Variants in NRXN3 observed in about 807,000 individuals in gnomAD.
NRXN3 encodes the protein neurexin III.
In NRXN3, 32 loss-of-function variants were observed where a neutral mutation model predicts 137.6. That is an observed-to-expected ratio of 0.23 (90% CI 0.18 to 0.31). The LOEUF is 0.31. Among genes scored for constraint, NRXN3 ranks in the 10% least tolerant of loss-of-function variants. NRXN3 has a pLI of 1.00. For missense variants in NRXN3, 1,574 were observed against 2,062.5 expected, an observed-to-expected ratio of 0.76 and a Z score of 4.59; for synonymous variants, 798 against 784.5, an observed-to-expected ratio of 1.02 and a Z score of -0.29.
At chr14:78,300,688 A>C in intron 4 of NRXN3, 6 of 1,529,560 alleles carry the variant, frequency 3.9e-6, no homozygotes, top group Non-Finnish European at 5.3e-6. Flanking sequence ...AGGTAGAAGT[A>C]AAGGTAGAGC....
At chr14:78,899,049 C>T (rs1383890222) in intron 10 of NRXN3, among the ~76,000 whole-genome samples, 1 of 151,918 alleles carries the variant, frequency 6.6e-6, no homozygotes, top group East Asian at 1.9e-4. Flanking sequence ...AATTTCTCAG[C>T]TCTGAGCCAG....
At chr14:79,022,122 G>A (rs1023792486) in intron 15 of NRXN3, among the ~76,000 whole-genome samples, 6 of 152,076 alleles carry the variant, frequency 3.9e-5, no homozygotes, top group East Asian at 3.9e-4. Context: ...AGTTAACTTC[G>A]GAAATATTGT....
At chr14:78,926,900 AATATATATAATAT>A (rs2099303363) in intron 10 of NRXN3, among the ~76,000 whole-genome samples, 1 of 24,166 alleles carries the variant, frequency 4.1e-5, no homozygotes, top group African/African-American at 4.3e-4. Flanking sequence ...ATATATATAT[AATATATATAATAT>A]ATATATAATA....
At chr14:79,338,196 G>GGTGTGT (rs796540610) in intron 15 of NRXN3, among the ~76,000 whole-genome samples, 2 of 141,062 alleles carry the variant, frequency 1.4e-5, no homozygotes, top group Non-Finnish European at 3.0e-5. Context: ...AGGCAGCCGG[G>GGTGTGT]GTGTGTGTGT....
chr14:78,957,339 C>A lies in NRXN3; in HGVS notation c.2373C>A (p.Thr791=). 1 of 1,613,902 alleles carries A rather than the reference C, an allele frequency of 6.2e-7. No homozygotes were observed. ...VVRRGKSLKL[T]VDDDVAEGTM... ...GGAGAGGAAAAAGCCTTAAGTTAAC[C>A]GTGGATGATGATGTGGCTGAGGGTG... Residue 791 remains threonine, a synonymous_variant, in exon 11 of 21, where the codon ACC becomes ACA. Transcript: ENST00000335750.
At chr14:79,294,689 A>T (rs1301424748) in intron 15 of NRXN3, among the ~76,000 whole-genome samples, 3 of 152,112 alleles carry the variant, frequency 2.0e-5, no homozygotes, top group African/African-American at 2.4e-5. Context: ...TCTTCAGTAT[A>T]AGAAGGATAG....
At chr14:78,605,816 G>C (rs542794058) in intron 4 of NRXN3, among the ~76,000 whole-genome samples, 1 of 152,164 alleles carries the variant, frequency 6.6e-6, no homozygotes, top group South Asian at 2.1e-4. Context: ...GGTGTACAAA[G>C]CTGCTACATG....
In NRXN3 at chr14:79,640,746, C is replaced by CTTGATA. The variant is rs780781818; in HGVS notation, c.3445-23031_3445-23026dup. On this transcript the variant is annotated intron_variant, in intron 16 of 20. Coordinates refer to ENST00000335750, the MANE Select transcript of NRXN3 (RefSeq NM_001330195.2). ...AAGCTTGCTGGTGACTTTTGTTCTA[C>CTTGATA]TTGATACGGCATATCCATTCTTGAG... Among the ~76,000 whole-genome samples, 78 of 135,928 alleles carry CTTGATA rather than the reference C, an allele frequency of 5.7e-4. 13 individuals carry two copies. Among genetic ancestry groups the CTTGATA allele is most frequent in the Non-Finnish European group, 1.1e-3 (62 of 58,418 alleles). 89.2% of individuals were successfully genotyped at this position (135,928 alleles called of 152,430 possible). A position where few individuals can be genotyped will look rare whatever the true frequency, so the allele number is the denominator to read the frequency against.
chr14:79,659,877 T>G (rs2153983227), intron 16 of NRXN3, among the ~76,000 whole-genome samples: 1 of 152,290 alleles, frequency 6.6e-6, no homozygotes, highest in South Asian at 2.1e-4. Context: ...ATCAGAGTGT[T>G]TTATATCTGA....
intron 4 of NRXN3, among the ~76,000 whole-genome samples, chr14:78,440,445 C>CAA (rs5809887): frequency 2.4e-4 from 35 of 147,456 alleles, no homozygotes; most frequent in African/African-American, 4.9e-4. Flanking sequence ...CCTTGAGATG[C>CAA]AAAAAAAAAA....
chr14:79,408,027 T>C (rs537820405), intron 15 of NRXN3, among the ~76,000 whole-genome samples: 1 of 152,282 alleles, frequency 6.6e-6, no homozygotes, highest in South Asian at 2.1e-4. Flanking sequence ...GATTTGCAGC[T>C]AGTAAGTTGA....
At chr14:79,179,305 C>T (rs967648607) in intron 15 of NRXN3, among the ~76,000 whole-genome samples, 3 of 152,148 alleles carry the variant, frequency 2.0e-5, no homozygotes, top group Admixed American at 6.5e-5. Context: ...TGACCAAGAA[C>T]CAAGATTGCA....
rs143239209 is a variant in NRXN3 at position 79,041,239 on chromosome 14, G to A, written c.3262+53098G>A. ...ATCTTAGTTTTTTGGGTTGCTAAGT[G>A]AGCATAATAATCCATAGTTCAGAAA... On this transcript the variant is annotated intron_variant, in intron 15 of 20. Coordinates refer to ENST00000335750, the MANE Select transcript of NRXN3 (RefSeq NM_001330195.2). Among the ~76,000 whole-genome samples the A allele has an allele frequency of 2.4e-3, 358 of 152,278 alleles. 1 individual carries two copies. Among genetic ancestry groups the A allele is most frequent in the African/African-American group, 8.1e-3 (336 of 41,552 alleles).
In NRXN3 at chr14:79,176,536, A is replaced by G. The variant is rs1023545076; in HGVS notation, c.3262+188395A>G. ...TATTATTTCAGTCTTGAGTCCCACC[A>G]TTTTGCTATATGCAACCGGCACTCT... is the stretch of plus-strand genomic sequence containing the variant. On this transcript the variant is annotated intron_variant, in intron 15 of 20. Transcript: ENST00000335750. Among the ~76,000 whole-genome samples the G allele has an allele frequency of 7.9e-5, 12 of 152,190 alleles. No individual in the cohort carries two copies. In the East Asian group the frequency reaches 2.3e-3, roughly 29 times the overall value.
rs1177584558 is a variant in NRXN3 at position 78,709,605 on chromosome 14, C to T, written c.1610C>T (p.Ala537Val). 1 of 1,613,850 alleles carries T rather than the reference C, an allele frequency of 6.2e-7. No homozygotes were observed. Among genetic ancestry groups the T allele is most frequent in the Admixed American group, 1.7e-5 (1 of 60,004 alleles). ...TIKVKATQKK[A>V]NDGEWYHVDI... is the part of the protein sequence containing the mutation. ...AAAGTGAAAGCCACTCAGAAGAAAG[C>T]CAATGATGGGGAATGGTACCATGTG... Residue 537 changes from alanine to valine, a missense_variant, in exon 7 of 21, where the codon GCC becomes GTC. Around this residue, in one of 5 missense-constraint regions of NRXN3, gnomAD observed 718 missense variants for 887.6 expected, o/e 0.81. Coordinates refer to ENST00000335750, the MANE Select transcript of NRXN3 (RefSeq NM_001330195.2).
chr14:78,254,247 T>C (rs1321998981), intron 2 of NRXN3, among the ~76,000 whole-genome samples: 1 of 152,218 alleles, frequency 6.6e-6, no homozygotes, highest in Non-Finnish European at 1.5e-5. Flanking sequence ...GAAAGATTCA[T>C]GGTTAGCCCT....
At chr14:79,581,645 A>T (rs764191291) in intron 16 of NRXN3, among the ~76,000 whole-genome samples, 2 of 152,178 alleles carry the variant, frequency 1.3e-5, no homozygotes, top group African/African-American at 4.8e-5. Context: ...AAGTCAAATT[A>T]TATTTCTCCC....
intron 4 of NRXN3, chr14:78,614,975 G>A (rs544530874): frequency 2.2e-5 from 10 of 456,482 alleles, no homozygotes; most frequent in African/African-American, 4.0e-5. Flanking sequence ...TGTTAGGCCC[G>A]GGAAGAACAG....
intron 15 of NRXN3, among the ~76,000 whole-genome samples, chr14:79,414,075 T>A (rs1383844011): frequency 1.3e-5 from 2 of 151,958 alleles, no homozygotes; most frequent in African/African-American, 4.8e-5. Context: ...ATAACCTGGA[T>A]AAGAAAATCC....
Sources: allele counts gnomAD v4.1 joint callset (sites outside exome capture counted in the v4.1 genomes callset), GRCh38; gene constraint gnomAD v4.1.1; regional missense constraint gnomAD v4.1.1; transcripts MANE v1.5; gene names NCBI Gene and HGNC (gene_info 2026-07-23, HGNC 2026-07-21).